HSF4: variants seen among roughly 807,000 people sequenced by gnomAD.
The protein encoded by HSF4 is heat shock factor protein 4.
HSF4 carries 41 observed loss-of-function variants against 52.0 expected under a neutral mutation model. The observed-to-expected ratio is 0.79, with a 90% confidence interval of 0.61 to 1.02. The LOEUF (loss-of-function observed/expected upper bound fraction) is 1.02. HSF4 is among the 50% of genes least tolerant of loss of function. The pLI, the probability that HSF4 is intolerant of heterozygous loss-of-function variation, is 0.00. For missense variants in HSF4, 610 were observed against 651.1 expected, an observed-to-expected ratio of 0.94 and a Z score of 0.69; for synonymous variants, 285 against 273.0, an observed-to-expected ratio of 1.04 and a Z score of -0.43.
upstream of HSF4, chr16:67,164,129 G>A (rs575941869): frequency 9.7e-5 from 64 of 660,848 alleles, no homozygotes; most frequent in Admixed American, 5.6e-4. Context: ...GCACGGGCGC[G>A]GGCCGGGCCT....
chr16:67,164,460 AGGTCGCG>A (rs2031087971), upstream of HSF4: 1 of 514,880 alleles, frequency 1.9e-6, no homozygotes, highest in Non-Finnish European at 3.8e-6. Context: ...AGCCCACACC[AGGTCGCG>A]CACCGGCGAT....
chr16:67,165,170 G>C lies in HSF4; in HGVS notation c.123+236G>C, dbSNP rs531372235. ...TCCGAGGGACCTTCGAGGCCATTTA[G>C]TTCCCACCCTACCCCATCCGACAGA... On this transcript the variant is annotated intron_variant, in intron 1 of 12. Transcript: ENST00000521374. This position sits in a 1 kb window ranked among gnomAD's most constrained non-coding sequence, Gnocchi z 6.9. 26 of 597,544 alleles carry C rather than the reference G, an allele frequency of 4.4e-5. No homozygotes were observed. The highest frequency in any genetic ancestry group is 7.7e-5 in the Non-Finnish European group (26 of 337,322). The allele number at this position is 597,544 out of a possible 1,614,324, so 37.0% of individuals were successfully genotyped here.
chr16:67,165,855 G>T lies in HSF4; in HGVS notation c.360+9G>T, dbSNP rs769001160. On this transcript the variant is annotated intron_variant, in intron 3 of 12. Transcript: ENST00000521374. This position sits in a 1 kb window ranked among gnomAD's most constrained non-coding sequence, Gnocchi z 6.9. ...AGCGCGTGCGGCGCAAGGTGGGGGC[G>T]GCCTGCGGGAATGAGCAAAGAGGAG... The T allele has an allele frequency of 3.7e-6, 6 of 1,601,040 alleles. No individual in the cohort carries two copies. The highest frequency in any genetic ancestry group is 5.1e-6 in the Non-Finnish European group (6 of 1,178,786).
chr16:67,169,465 A>C lies in HSF4; in HGVS notation c.1324+117A>C, dbSNP rs2031585083. ...AAATCCTGAGTTCAGGCTGCACTGC[A>C]GAGCGTTCCTTGAGCCACCCATGCC... On this transcript the variant is annotated intron_variant, in intron 12 of 12. Transcript: ENST00000521374. This position sits in a 1 kb window ranked among gnomAD's most constrained non-coding sequence, Gnocchi z 4.3. 1.3e-6 allele frequency: 2 copies of C among 1,569,586 alleles called. No homozygotes were observed. The highest frequency in any genetic ancestry group is 1.4e-5 in the African/African-American group (1 of 73,888).
At chr16:67,166,768 A>T in intron 6 of HSF4, 146 bp downstream of exon 6, 1 of 790,782 alleles carries the variant, frequency 1.3e-6, no homozygotes, top group Non-Finnish European at 2.1e-6. Context: ...CCCATCTAGG[A>T]TCCACTTCCC....
In HSF4 at chr16:67,165,948, G is replaced by A; in HGVS notation, c.363G>A (p.Val121=). 1 of 1,574,726 alleles carries A rather than the reference G, an allele frequency of 6.4e-7. No homozygotes were observed. Among genetic ancestry groups the A allele is most frequent in the East Asian group, 2.3e-5 (1 of 43,210 alleles). ...EQLLERVRRK[V]PALRGDDGRW... ...CCGACGGTGCCTCCCGCCTGCAGGT[G>A]CCCGCGCTGCGCGGCGACGACGGCC... The change falls in exon 4 of 13, where the codon GTG becomes GTA. Residue 121 remains valine (V), a splice_region_variant and synonymous_variant. Coordinates refer to ENST00000521374, the MANE Select transcript of HSF4 (RefSeq NM_001374675.1). This position sits in a 1 kb window ranked among gnomAD's most constrained non-coding sequence, Gnocchi z 6.9.
chr16:67,168,939 G>A lies in HSF4; in HGVS notation c.1188+3G>A. 6.2e-7 allele frequency: 1 copy of A among 1,613,772 alleles called. No homozygotes were observed. The highest frequency in any genetic ancestry group is 8.5e-7 in the Non-Finnish European group (1 of 1,179,724). ...TGGAACCTGCAGGGCCTCTAGATGT[G>A]AGTACCCCTTCTGCTGAAACAGGGG... On this transcript the variant is annotated splice_donor_region_variant and intron_variant, in intron 10 of 12. Transcript: ENST00000521374.
intron 4 of HSF4, 41 bp downstream of exon 4, chr16:67,166,111 G>GT: frequency 7.3e-7 from 1 of 1,378,548 alleles, no homozygotes; most frequent in Non-Finnish European, 9.9e-7. Flanking sequence ...GGGGTGGGGG[G>GT]TTCGGGATGA....
At position 67,167,060 on chromosome 16, in the gene HSF4, C is replaced by T. The variant is rs2031357395; in HGVS notation, c.627-60C>T. 21 of 1,612,234 alleles carry T rather than the reference C, an allele frequency of 1.3e-5. No homozygotes were observed. In the South Asian group the frequency reaches 1.3e-4, roughly 10 times the overall value. On this transcript the variant is annotated intron_variant, in intron 6 of 12. Coordinates refer to ENST00000521374, the MANE Select transcript of HSF4 (RefSeq NM_001374675.1). ...CCTGAGGGAGGGAGGGAAGTGCAGG[C>T]CGAGGTGCATGGGGGCTGACCCTGC... is the stretch of plus-strand genomic sequence containing the variant.
In HSF4 at chr16:67,169,391, G is replaced by C; in HGVS notation, c.1324+43G>C. 1 of 1,597,736 alleles carries C rather than the reference G, an allele frequency of 6.3e-7. No homozygotes were observed. The highest frequency in any genetic ancestry group is 8.5e-7 in the Non-Finnish European group (1 of 1,171,948). On this transcript the variant is annotated intron_variant, in intron 12 of 12. Transcript: ENST00000521374. The surrounding 1 kb of genome is among the most constrained non-coding windows in gnomAD (Gnocchi z 4.3). ...TCCTACCTGGGAGGACGCCGTGATT[G>C]GGCTGAGCTACCTTGATTGAGTGAG...
upstream of HSF4, chr16:67,163,787 G>A: frequency 1.3e-6 from 2 of 1,568,114 alleles, no homozygotes; most frequent in South Asian, 1.2e-5. Flanking sequence ...TCACGCGCGA[G>A]CCGCATCCCT....
chr16:67,167,989 C>G, intron 9 of HSF4, 42 bp downstream of exon 9: 1 of 1,405,980 alleles, frequency 7.1e-7, no homozygotes, highest in Non-Finnish European at 9.8e-7. Context: ...TGTGATAGAA[C>G]AGCCCTTACC....
upstream of HSF4, chr16:67,163,877 G>GC (rs372998678): frequency 2.6e-6 from 4 of 1,527,450 alleles, no homozygotes; most frequent in Admixed American, 2.0e-5. Flanking sequence ...AGGGAACGGG[G>GC]GGGGTGTCCA....
Position 67,169,888 on chromosome 16 carries a change from A to C in HSF4, c.*103A>C. 1.3e-5 allele frequency: 16 copies of C among 1,194,222 alleles called. No individual in the cohort carries two copies. The highest frequency in any genetic ancestry group is 1.6e-5 in the Non-Finnish European group (13 of 808,730). The allele number at this position is 1,194,222 out of a possible 1,614,324, so 74.0% of individuals were successfully genotyped here. A position where few individuals can be genotyped will look rare whatever the true frequency, so the allele number is the denominator to read the frequency against. ...GGGTGAGCGAAGCCCCCACTACTAA[A>C]TGGCCTCTCTCCACTACCCCGACTA... On this transcript the variant is annotated 3_prime_UTR_variant, in exon 13 of 13. Transcript: ENST00000521374. This position sits in a 1 kb window ranked among gnomAD's most constrained non-coding sequence, Gnocchi z 4.3.
intron 5 of HSF4, 81 bp downstream of exon 5, chr16:67,166,476 T>G: frequency 6.3e-7 from 1 of 1,599,448 alleles, no homozygotes; most frequent in Non-Finnish European, 8.6e-7. Context: ...GCGCCCCTGT[T>G]AAGCCTTCCT....
chr16:67,163,881 G>T (rs1211371748), upstream of HSF4: 22 of 1,525,924 alleles, frequency 1.4e-5, no homozygotes, highest in East Asian at 5.1e-4. Flanking sequence ...AACGGGGGGG[G>T]TGTCCAGGCG....
chr16:67,167,788 C>T lies in HSF4; in HGVS notation c.923C>T (p.Ala308Val), dbSNP rs1430912635. ...GGGGGGGATGGCGAGGCCGGGCTGG[C>T]CCTGGCCCCAAACGAGTGTGACTTC... ...SPGGDGEAGL[A>V]LAPNECDFCV... Residue 308 changes from alanine to valine, a missense_variant, in exon 9 of 13, where the codon GCC becomes GTC. Coordinates refer to ENST00000521374, the MANE Select transcript of HSF4 (RefSeq NM_001374675.1). 1.9e-6 allele frequency: 3 copies of T among 1,599,438 alleles called. No individual in the cohort carries two copies. The highest frequency in any genetic ancestry group is 2.6e-6 in the Non-Finnish European group (3 of 1,173,606).
Position 67,169,039 on chromosome 16 carries a change from C to T in HSF4, c.1192C>T (p.Leu398=). 1 of 1,613,942 alleles carries T rather than the reference C, an allele frequency of 6.2e-7. No homozygotes were observed. The highest frequency in any genetic ancestry group is 8.5e-7 in the Non-Finnish European group (1 of 1,180,004). ...ACTGACCCAGAGCTCTCCTCAGGTG[C>T]TGGGCCCCAGTCTCCAAGGGCGAGA... ...SVEPAGPLDV[L]GPSLQGREWT... The change falls in exon 11 of 13, where the codon CTG becomes TTG. Residue 398 remains leucine, a synonymous_variant. Transcript: ENST00000521374. This position sits in a 1 kb window ranked among gnomAD's most constrained non-coding sequence, Gnocchi z 4.3.
At chr16:67,166,111 G>GGC in intron 4 of HSF4, 41 bp downstream of exon 4, 1 of 1,378,548 alleles carries the variant, frequency 7.3e-7, no homozygotes, top group Non-Finnish European at 9.9e-7. Flanking sequence ...GGGGTGGGGG[G>GGC]TTCGGGATGA....
Sources: gnomAD v4.1 joint callset for allele counts on GRCh38, gnomAD v4.1.1 for gene constraint, Gnocchi (gnomAD v3.1) non-coding constraint, MANE v1.5 for transcripts, NCBI Gene and HGNC (gene_info 2026-07-23, HGNC 2026-07-21) for gene names.